The following ARHGEF3 variants were observed in gnomAD, a reference collection of about 807,000 sequenced individuals.
The protein encoded by ARHGEF3 is Rho guanine nucleotide exchange factor 3.
ARHGEF3 carries 28 observed loss-of-function variants against 63.2 expected under a neutral mutation model. The observed-to-expected ratio is 0.44, with a 90% CI of 0.33 to 0.61. The LOEUF (loss-of-function observed/expected upper bound fraction) is 0.61. Among genes scored for constraint, ARHGEF3 ranks in the 20% least tolerant of loss-of-function variants. The pLI is 0.03. For synonymous variants in ARHGEF3, 266 were observed against 254.2 expected (o/e 1.05, Z -0.44); for missense variants, 533 against 659.3 (o/e 0.81, Z 2.10).
intron 7 of ARHGEF3, 136 bp from the exon 8 acceptor site, chr3:56,737,491 A>AAT: frequency 1.8e-5 from 10 of 553,152 alleles, no homozygotes; most frequent in East Asian, 1.2e-4. Context: ...ACTTTGGGAA[A>AAT]AGAGAAAAAA....
chr3:57,015,201 A>G (rs993253801), intron 2 of ARHGEF3, among the ~76,000 whole-genome samples: 3 of 152,190 alleles, frequency 2.0e-5, no homozygotes, highest in Non-Finnish European at 2.9e-5. Context: ...AACTGAGTTA[A>G]GTAGCCACCT....
chr3:57,070,798 AAAAT>A (rs1312169909), intron 1 of ARHGEF3, among the ~76,000 whole-genome samples: 3 of 151,870 alleles, frequency 2.0e-5, no homozygotes, highest in African/African-American at 7.3e-5. Context: ...GTCTCTACCA[AAAAT>A]AAATAAATAA....
chr3:56,737,144 C>T (rs370105866), intron 8 of ARHGEF3, 41 bp downstream of exon 8: 31 of 1,543,952 alleles, frequency 2.0e-5, no homozygotes, highest in African/African-American at 4.1e-5. Flanking sequence ...ATTAGGGATA[C>T]GGGAGGCGGA....
At chr3:57,052,412 T>C (rs752388233) in intron 1 of ARHGEF3, among the ~76,000 whole-genome samples, 2 of 152,144 alleles carry the variant, frequency 1.3e-5, no homozygotes, top group Non-Finnish European at 2.9e-5. Flanking sequence ...TTCTCCTGCC[T>C]CAGCCTCCCG....
intron 2 of ARHGEF3, among the ~76,000 whole-genome samples, chr3:56,759,861 T>G (rs1323740564): frequency 2.0e-5 from 3 of 152,220 alleles, no homozygotes; most frequent in African/African-American, 7.2e-5. Flanking sequence ...TTAACCATTT[T>G]TTAGTGAACA....
chr3:56,916,328 C>T, intron 3 of ARHGEF3: 2 of 1,535,574 alleles, frequency 1.3e-6, no homozygotes, highest in Non-Finnish European at 1.7e-6. Flanking sequence ...GACAAAGAGG[C>T]AGCACCACAC....
At chr3:57,072,442 T>TA (rs1357647498) in intron 1 of ARHGEF3, among the ~76,000 whole-genome samples, 5 of 118,496 alleles carry the variant, frequency 4.2e-5, no homozygotes, top group Admixed American at 2.4e-4. Context: ...AAATAAAGAA[T>TA]TAAAAAAAAA....
intron 1 of ARHGEF3, among the ~76,000 whole-genome samples, chr3:57,064,780 G>C (rs1385925190): frequency 6.6e-6 from 1 of 152,228 alleles, no homozygotes; most frequent in Non-Finnish European, 1.5e-5. Flanking sequence ...CCAGGGACTA[G>C]GGGCAGGGGG....
chr3:56,860,496 C>T (rs748101992), intron 4 of ARHGEF3, among the ~76,000 whole-genome samples: 2 of 152,152 alleles, frequency 1.3e-5, no homozygotes, highest in Non-Finnish European at 2.9e-5. Flanking sequence ...GGTGGCAGAT[C>T]TAACCACTAC....
At chr3:56,750,022 T>C (rs2034632615) in intron 6 of ARHGEF3, among the ~76,000 whole-genome samples, 1 of 152,064 alleles carries the variant, frequency 6.6e-6, no homozygotes, top group African/African-American at 2.4e-5. Flanking sequence ...ATTTATAACC[T>C]TCACAACACT....
At chr3:57,042,667 TATATATATATATATATATATA>T (rs1704242075) in intron 1 of ARHGEF3, among the ~76,000 whole-genome samples, 7 of 12,798 alleles carry the variant, frequency 5.5e-4, no homozygotes, top group East Asian at 0.014. Context: ...TATATATATA[TATATATATATATATATATATA>T]TATATATATA....
At chr3:56,949,367 A>T (rs1212700232) in intron 3 of ARHGEF3, among the ~76,000 whole-genome samples, 2 of 151,996 alleles carry the variant, frequency 1.3e-5, no homozygotes, top group African/African-American at 4.8e-5. Context: ...ACATGATTGT[A>T]TATCTAGAAA....
chr3:56,872,040 G>A (rs1029969743), intron 4 of ARHGEF3, among the ~76,000 whole-genome samples: 1 of 126,254 alleles, frequency 7.9e-6, no homozygotes, highest in Admixed American at 7.7e-5. Context: ...TATTAGACTT[G>A]TTGCCAGATG....
chr3:57,003,397 G>A (rs1251663063), intron 2 of ARHGEF3, among the ~76,000 whole-genome samples: 5 of 52,846 alleles, frequency 9.5e-5, no homozygotes, highest in East Asian at 9.4e-4. Flanking sequence ...GCGAGACGCC[G>A]TCTCAAAAAA....
intron 3 of ARHGEF3, among the ~76,000 whole-genome samples, chr3:56,946,776 A>G (rs1270232612): frequency 6.6e-6 from 1 of 152,206 alleles, no homozygotes; most frequent in Admixed American, 6.5e-5. Context: ...AACACAGACA[A>G]TGTCACAAAG....
At chr3:56,900,963 C>T in intron 3 of ARHGEF3, among the ~76,000 whole-genome samples, 1 of 152,128 alleles carries the variant, frequency 6.6e-6, no homozygotes, top group East Asian at 1.9e-4. Context: ...TCTAAAGTTT[C>T]CTTCTAACAT....
At chr3:56,747,938 C>T (rs1212751808) in intron 6 of ARHGEF3, among the ~76,000 whole-genome samples, 1 of 152,238 alleles carries the variant, frequency 6.6e-6, no homozygotes, top group Non-Finnish European at 1.5e-5. Context: ...ATACTAATGT[C>T]CCCCTCTCCC....
intron 4 of ARHGEF3, among the ~76,000 whole-genome samples, chr3:56,848,271 C>A (rs532722679): frequency 2.8e-4 from 43 of 152,268 alleles, no homozygotes; most frequent in African/African-American, 1.0e-3. Flanking sequence ...AGGGACTTCA[C>A]TATACTCATC....
intron 1 of ARHGEF3, among the ~76,000 whole-genome samples, chr3:57,045,568 T>A (rs1279456952): frequency 6.6e-6 from 1 of 152,204 alleles, no homozygotes; most frequent in Non-Finnish European, 1.5e-5. Flanking sequence ...CCTTTTCATA[T>A]GCCAGACACC....
Sources: gnomAD v4.1 joint callset for allele counts (sites outside exome capture counted in the v4.1 genomes callset) on GRCh38, gnomAD v4.1.1 for gene constraint, MANE v1.5 for transcripts, NCBI Gene and HGNC (gene_info 2026-07-23, HGNC 2026-07-21) for gene names.